Variants in PRKAG2 observed in about 807,000 individuals in gnomAD.
PRKAG2 encodes the protein 5'-AMP-activated protein kinase subunit gamma-2.
PRKAG2 carries 26 observed loss-of-function variants against 69.6 expected under a neutral mutation model. The observed-to-expected ratio is 0.37, with a 90% confidence interval of 0.27 to 0.52. The LOEUF (loss-of-function observed/expected upper bound fraction) is 0.52, where lower values mean the gene tolerates loss of function less well. PRKAG2 is among the 20% of genes least tolerant of loss of function. The pLI, the probability that PRKAG2 is intolerant of heterozygous loss-of-function variation, is 0.90. For synonymous variants in PRKAG2, 293 were observed against 285.0 expected (o/e 1.03, Z -0.28); for missense variants, 557 against 740.0 (o/e 0.75, Z 2.87).
intron 3 of PRKAG2, among the ~76,000 whole-genome samples, chr7:151,767,852 C>T (rs1212929912): frequency 1.4e-5 from 2 of 147,358 alleles, no homozygotes; most frequent in African/African-American, 2.5e-5. Flanking sequence ...TCTGGTTCCT[C>T]TTATTCTGAT....
intron 3 of PRKAG2, among the ~76,000 whole-genome samples, chr7:151,759,050 T>C (rs1358723220): frequency 1.3e-5 from 2 of 152,168 alleles, no homozygotes; most frequent in East Asian, 1.9e-4. Flanking sequence ...GATGGCTTTC[T>C]GTATCGCTCA....
At chr7:151,705,848 C>T (rs1192164174) in intron 3 of PRKAG2, among the ~76,000 whole-genome samples, 1 of 152,070 alleles carries the variant, frequency 6.6e-6, no homozygotes, top group Non-Finnish European at 1.5e-5. Flanking sequence ...CCTTCTTAGC[C>T]GATCTCATCT....
At chr7:151,737,165 C>A (rs1473802823) in intron 3 of PRKAG2, among the ~76,000 whole-genome samples, 1 of 152,022 alleles carries the variant, frequency 6.6e-6, no homozygotes, top group Non-Finnish European at 1.5e-5. Context: ...CATTTCTGAA[C>A]CTCAGTTTCC....
intron 5 of PRKAG2, among the ~76,000 whole-genome samples, chr7:151,601,483 G>T (rs369312676): frequency 2.0e-5 from 3 of 152,056 alleles, no homozygotes; most frequent in South Asian, 4.1e-4. Flanking sequence ...CTGATCCTGA[G>T]ACCATGGAAA....
At chr7:151,783,848 T>C (rs1586509945) in intron 2 of PRKAG2, among the ~76,000 whole-genome samples, 2 of 135,986 alleles carry the variant, frequency 1.5e-5, no homozygotes, top group African/African-American at 2.8e-5. Flanking sequence ...GAGGTGGAGG[T>C]TGCAGTGAGC....
chr7:151,560,368 C>G lies in PRKAG2; in HGVS notation c.1678+156G>C, dbSNP rs755680189. 1.3e-6 allele frequency: 2 copies of G among 1,541,614 alleles called. No homozygotes were observed. The highest frequency in any genetic ancestry group is 1.7e-6 in the Non-Finnish European group (2 of 1,145,822). On this transcript the variant is annotated intron_variant, in intron 15 of 15. Transcript: ENST00000287878. ...CACTCACGCAGAACACTTAAACTTC[C>G]CAACTGAAGAGAAAACGAAAATGGT... is the stretch of plus-strand genomic sequence containing the variant.
chr7:151,697,452 T>G (rs1452874377), intron 3 of PRKAG2, among the ~76,000 whole-genome samples: 1 of 152,010 alleles, frequency 6.6e-6, no homozygotes, highest in Non-Finnish European at 1.5e-5. Context: ...CAGGAGGAGC[T>G]TGAACTCTGT....
chr7:151,611,696 G>A (rs765553339), intron 5 of PRKAG2, among the ~76,000 whole-genome samples: 33 of 152,136 alleles, frequency 2.2e-4, no homozygotes, highest in Non-Finnish European at 4.3e-4. Flanking sequence ...AAAGACGTTG[G>A]CGCACTTACG....
chr7:151,559,343 G>C, intron 15 of PRKAG2: 1 of 985,332 alleles, frequency 1.0e-6, no homozygotes, highest in Non-Finnish European at 1.2e-6. Flanking sequence ...CATTCGTTTA[G>C]TTCTTAATGT....
chr7:151,835,472 G>T lies in PRKAG2; in HGVS notation c.114+41035C>A, dbSNP rs1280210093. Among the ~76,000 whole-genome samples the T allele has an allele frequency of 6.6e-6, 1 of 152,078 alleles. No individual in the cohort carries two copies. The highest frequency in any genetic ancestry group is 1.5e-5 in the Non-Finnish European group (1 of 68,026). On this transcript the variant is annotated intron_variant, in intron 1 of 15. Coordinates refer to ENST00000287878, the MANE Select transcript of PRKAG2 (RefSeq NM_016203.4). The surrounding 1 kb of genome is among the most constrained non-coding windows in gnomAD (Gnocchi z 4.1). ...GCCCCACAAAGTGCTGGGATTACAG[G>T]CATTAACCACCACACTCGACACCCT...
At chr7:151,801,096 G>T (rs1184327775) in intron 1 of PRKAG2, among the ~76,000 whole-genome samples, 2 of 152,148 alleles carry the variant, frequency 1.3e-5, no homozygotes, top group Admixed American at 6.5e-5. Flanking sequence ...TGCCCATCAC[G>T]CCAGGCCTGG....
At chr7:151,779,852 T>C (rs1362053506) in intron 3 of PRKAG2, among the ~76,000 whole-genome samples, 1 of 152,208 alleles carries the variant, frequency 6.6e-6, no homozygotes, top group African/African-American at 2.4e-5. Flanking sequence ...AGGACGGGCC[T>C]GATTTCCTTC....
At chr7:151,617,496 T>C (rs1371938043) in intron 5 of PRKAG2, among the ~76,000 whole-genome samples, 1 of 152,200 alleles carries the variant, frequency 6.6e-6, no homozygotes, top group Non-Finnish European at 1.5e-5. Flanking sequence ...TACCATTTCA[T>C]ATGTTTGGAA....
intron 1 of PRKAG2, among the ~76,000 whole-genome samples, chr7:151,849,916 G>A (rs140787401): frequency 4.9e-4 from 75 of 152,298 alleles, no homozygotes; most frequent in African/African-American, 1.5e-3. Context: ...TATATTTTGG[G>A]GGACATAATT....
rs79663841 is a variant in PRKAG2, at chr7:151,586,268, G to A, written c.864+9077C>T. The stretch of plus-strand genomic sequence containing the variant: ...AGCCTACTCTAGCTGGAATCCAGAC[G>A]TGCCTGTCATGGCACGGCCGTCTAC... On this transcript the variant is annotated intron_variant, in intron 6 of 15. Coordinates refer to ENST00000287878, the MANE Select transcript of PRKAG2 (RefSeq NM_016203.4). 7.0e-3 allele frequency among the ~76,000 whole-genome samples: 1,068 copies of A among 152,260 alleles called. 20 individuals are homozygous for A. The highest frequency in any genetic ancestry group is 0.024 in the African/African-American group (1,007 of 41,530).
intron 4 of PRKAG2, among the ~76,000 whole-genome samples, chr7:151,653,817 G>A (rs575656974): frequency 6.6e-6 from 1 of 152,290 alleles, no homozygotes; most frequent in African/African-American, 2.4e-5. Flanking sequence ...ACTCTAGCCT[G>A]AGTGACAGAG....
At chr7:151,793,317 A>G (rs2077351735) in intron 1 of PRKAG2, among the ~76,000 whole-genome samples, 1 of 152,210 alleles carries the variant, frequency 6.6e-6, no homozygotes, top group Non-Finnish European at 1.5e-5. Flanking sequence ...TGCCTTCACA[A>G]CGCTATCTAG....
intron 11 of PRKAG2, 129 bp downstream of exon 11, chr7:151,568,587 A>G: frequency 1.0e-6 from 1 of 954,666 alleles, no homozygotes; most frequent in Non-Finnish European, 1.6e-6. Flanking sequence ...TGAGAAACTG[A>G]AGTTTAGAAA....
At chr7:151,560,198 C>T in intron 15 of PRKAG2, 1 of 1,207,120 alleles carries the variant, frequency 8.3e-7, no homozygotes, top group Non-Finnish European at 1.0e-6. Context: ...TTTCTGGTCA[C>T]TAGTTCTCTC....
Sources: allele counts gnomAD v4.1 joint callset (sites outside exome capture counted in the v4.1 genomes callset), GRCh38; gene constraint gnomAD v4.1.1; non-coding constraint Gnocchi (gnomAD v3.1); transcripts MANE v1.5; gene names NCBI Gene and HGNC (gene_info 2026-07-23, HGNC 2026-07-21).